The following KCNQ1 variants were observed in gnomAD, a reference collection of about 807,000 sequenced individuals.
KCNQ1 encodes potassium voltage-gated channel subfamily KQT member 1.
Under a neutral mutation model 72.4 loss-of-function variants are expected in KCNQ1, and 49 were observed. The ratio of observed to expected loss-of-function variants is 0.68; its 90% CI spans 0.54 to 0.86. KCNQ1 has a LOEUF of 0.86. KCNQ1 is among the 40% of genes least tolerant of loss of function. KCNQ1 has a pLI of 0.00. For missense variants in KCNQ1, 790 were observed against 945.1 expected (o/e 0.84, Z 2.15); for synonymous variants, 450 against 412.6 (o/e 1.09, Z -1.10).
Position 2,559,026 on chromosome 11 carries a change from AAG to A in KCNQ1, c.478-11599_478-11598del, listed in dbSNP as rs149557085. Among the ~76,000 whole-genome samples, 468 of 152,042 alleles carry A rather than the reference AAG, an allele frequency of 3.1e-3. 3 individuals carry two copies. Among genetic ancestry groups the A allele is most frequent in the African/African-American group, 0.01 (434 of 41,462 alleles). On this transcript the variant is annotated intron_variant, in intron 2 of 15. Coordinates refer to ENST00000155840, the MANE Select transcript of KCNQ1 (RefSeq NM_000218.3). The surrounding 1 kb of genome is among the most constrained non-coding windows in gnomAD (Gnocchi z 4.9). ...GTGAGGTACCTGAGTGACAAATGTC[AAG>A]AGTTTGCAGTTACTCCCAGAGCTAC...
In KCNQ1 at chr11:2,759,597, C is replaced by T. The variant is rs993540103; in HGVS notation, c.1515-9247C>T. Among the ~76,000 whole-genome samples the T allele has an allele frequency of 1.3e-5, 2 of 152,220 alleles. No homozygotes were observed. Among genetic ancestry groups the T allele is most frequent in the African/African-American group, 2.4e-5 (1 of 41,456 alleles). ...CCCCAGCATGTGGGAAGGAAGGGAG[C>T]GAGCTCTTATTTCCTTATTTTCTTT... is the stretch of plus-strand genomic sequence containing the variant. On this transcript the variant is annotated intron_variant, in intron 11 of 15. Transcript: ENST00000155840. This position sits in a 1 kb window ranked among gnomAD's most constrained non-coding sequence, Gnocchi z 4.4.
Position 2,617,101 on chromosome 11 carries a change from T to A in KCNQ1, c.1393+28247T>A, listed in dbSNP as rs1849079629. 2.5e-6 allele frequency: 1 copy of A among 398,274 alleles called. No individual in the cohort carries two copies. Among genetic ancestry groups the A allele is most frequent in the Admixed American group, 4.4e-5 (1 of 22,708 alleles). 24.7% of individuals were successfully genotyped at this position (398,274 alleles called of 1,614,324 possible). A position where few individuals can be genotyped will look rare whatever the true frequency, so the allele number is the denominator to read the frequency against. On this transcript the variant is annotated intron_variant, in intron 10 of 15. Transcript: ENST00000155840. This position sits in a 1 kb window ranked among gnomAD's most constrained non-coding sequence, Gnocchi z 4.6. ...TGTGTATGAGTGAGAAAAGCTATGATCTACTCAATTGGCAAAAATTCCAAA... is the reference window on the plus strand; with the variant it reads ...TGTGTATGAGTGAGAAAAGCTATGAACTACTCAATTGGCAAAAATTCCAAA...
chr11:2,691,861 C>T lies in KCNQ1; in HGVS notation c.1514+29780C>T, dbSNP rs1442373654. ...ACCATGACCCCTAGGTCCTCTTTTC[C>T]ATCCCTCCAGTTCTCCTGGCTTTCT... is the stretch of plus-strand genomic sequence containing the variant. On this transcript the variant is annotated intron_variant, in intron 11 of 15. Transcript: ENST00000155840. The surrounding 1 kb of genome is among the most constrained non-coding windows in gnomAD (Gnocchi z 6.4). The T allele has an allele frequency of 7.5e-6, 3 of 398,594 alleles. No homozygotes were observed. Among genetic ancestry groups the T allele is most frequent in the Non-Finnish European group, 1.3e-5 (3 of 226,140 alleles). The allele number at this position is 398,594 out of a possible 1,614,324, so 24.7% of individuals were successfully genotyped here.
Position 2,484,017 on chromosome 11 carries a change from ATGTT to A in KCNQ1, c.386+38538_386+38541del, listed in dbSNP as rs1400169715. 6.6e-6 allele frequency among the ~76,000 whole-genome samples: 1 copy of A among 151,680 alleles called. No homozygotes were observed. The highest frequency in any genetic ancestry group is 1.5e-5 in the Non-Finnish European group (1 of 67,934). ...TTTGTTTATTTCCCACTTTCTTTCT[ATGTT>A]TGTTAATTTGGATTCTTCTCCAGGA... On this transcript the variant is annotated intron_variant, in intron 1 of 15. Transcript: ENST00000155840. This position sits in a 1 kb window ranked among gnomAD's most constrained non-coding sequence, Gnocchi z 5.2.
In KCNQ1 at chr11:2,767,718, T is replaced by A. The variant is rs1846523710; in HGVS notation, c.1515-1126T>A. 6.6e-6 allele frequency among the ~76,000 whole-genome samples: 1 copy of A among 152,208 alleles called. No individual in the cohort carries two copies. Among genetic ancestry groups the A allele is most frequent in the African/African-American group, 2.4e-5 (1 of 41,462 alleles). On this transcript the variant is annotated intron_variant, in intron 11 of 15. Transcript: ENST00000155840. The surrounding 1 kb of genome is among the most constrained non-coding windows in gnomAD (Gnocchi z 4.6). ...TAAACCCCAAAGCTTCTCTCCACAG[T>A]GCCATGCGTCTACTGAGTACTCTGC...
At chr11:2,730,566 G>A (rs1378883896) in intron 11 of KCNQ1, among the ~76,000 whole-genome samples, 1 of 152,198 alleles carries the variant, frequency 6.6e-6, no homozygotes, top group African/African-American at 2.4e-5. Flanking sequence ...CAATAGCAGC[G>A]TGGTGGGGTC....
At position 2,548,705 on chromosome 11, in the gene KCNQ1, CAGAT is replaced by C. The variant is rs746448634; in HGVS notation, c.477+20690_477+20693del. Among the ~76,000 whole-genome samples, 39 of 152,230 alleles carry C rather than the reference CAGAT, an allele frequency of 2.6e-4. 1 individual carries two copies. The highest frequency in any genetic ancestry group is 7.3e-5 in the Non-Finnish European group (5 of 68,036). On this transcript the variant is annotated intron_variant, in intron 2 of 15. Transcript: ENST00000155840. ...AAGGTGACATCTTCTTCTTGCATCT[CAGAT>C]AGCACCAGGTTTGTGTGTTTATGCG... is the stretch of plus-strand genomic sequence containing the variant.
In KCNQ1 at chr11:2,733,854, T is replaced by TCC. The variant is rs1554914274; in HGVS notation, c.1515-34989_1515-34988insCC. Reference sequence around the variant, plus strand: ...CTCTCTCTCTCTCTCTCTCTCTCTCTCTCCCCCCCCACTTCAGGGCCTTCG... The same window carrying TCC: ...CTCTCTCTCTCTCTCTCTCTCTCTCTCCCTCCCCCCCCACTTCAGGGCCTTCG... On this transcript the variant is annotated intron_variant, in intron 11 of 15. Transcript: ENST00000155840. 4.9e-5 allele frequency among the ~76,000 whole-genome samples: 2 copies of TCC among 41,170 alleles called. 1 individual carries two copies. The highest frequency in any genetic ancestry group is 2.9e-4 in the African/African-American group (2 of 6,912). 27.0% of individuals were successfully genotyped at this position (41,170 alleles called of 152,430 possible). A position where few individuals can be genotyped will look rare whatever the true frequency, so the allele number is the denominator to read the frequency against.
chr11:2,472,041 GGTAT>G (rs776372957), intron 1 of KCNQ1, among the ~76,000 whole-genome samples: 3 of 145,548 alleles, frequency 2.1e-5, no homozygotes, highest in Admixed American at 1.4e-4. Flanking sequence ...TGTGTGTATA[GGTAT>G]GTATGTGTGC....
rs1021802206 is a variant in KCNQ1 at position 2,541,147 on chromosome 11, C to A, written c.477+13129C>A. Among the ~76,000 whole-genome samples, 2 of 152,230 alleles carry A rather than the reference C, an allele frequency of 1.3e-5. No homozygotes were observed. Among genetic ancestry groups the A allele is most frequent in the African/African-American group, 4.8e-5 (2 of 41,454 alleles). On this transcript the variant is annotated intron_variant, in intron 2 of 15. Coordinates refer to ENST00000155840, the MANE Select transcript of KCNQ1 (RefSeq NM_000218.3). This position sits in a 1 kb window ranked among gnomAD's most constrained non-coding sequence, Gnocchi z 4.8. ...GACCTCAGGCAGGCAGGGAGAGAGA[C>A]CCCCTTGGGGCCGCGTTCCATTTGC...
intron 2 of KCNQ1, among the ~76,000 whole-genome samples, chr11:2,568,433 G>A (rs1047376482): frequency 2.6e-5 from 4 of 152,232 alleles, no homozygotes; most frequent in Non-Finnish European, 4.4e-5. Context: ...GCCGGCCTCT[G>A]TGCCGTCATG....
rs540603285 is a variant in KCNQ1, at chr11:2,483,539, G to C, written c.386+38055G>C. ...GCTTTCAGCTGCCAGGTCTCCTTTC[G>C]TGTCCTGCAGCCTGTGCCAGCTCCT... On this transcript the variant is annotated intron_variant, in intron 1 of 15. Coordinates refer to ENST00000155840, the MANE Select transcript of KCNQ1 (RefSeq NM_000218.3). This position sits in a 1 kb window ranked among gnomAD's most constrained non-coding sequence, Gnocchi z 6.1. 2.0e-5 allele frequency among the ~76,000 whole-genome samples: 3 copies of C among 152,106 alleles called. No homozygotes were observed. Among genetic ancestry groups the C allele is most frequent in the Admixed American group, 1.3e-4 (2 of 15,274 alleles).
intron 11 of KCNQ1, chr11:2,685,700 C>T (rs1029119548): frequency 1.3e-5 from 5 of 398,512 alleles, no homozygotes; most frequent in African/African-American, 1.0e-4. Flanking sequence ...GGCCTTCGGT[C>T]TGGGACCCCA....
At chr11:2,633,702 C>CT (rs1849401708) in intron 10 of KCNQ1, 9 of 398,438 alleles carry the variant, frequency 2.3e-5, no homozygotes, top group East Asian at 1.4e-4. Context: ...TCTGGGTTCT[C>CT]TATTCTGTTC....
At chr11:2,789,900 A>G (rs1338253441) in intron 15 of KCNQ1, among the ~76,000 whole-genome samples, 1 of 152,002 alleles carries the variant, frequency 6.6e-6, no homozygotes, top group Non-Finnish European at 1.5e-5. Context: ...TGGGAGGACC[A>G]CCCCCAATCC....
Position 2,479,072 on chromosome 11 carries a change from T to C in KCNQ1, c.386+33588T>C, listed in dbSNP as rs962967663. On this transcript the variant is annotated intron_variant, in intron 1 of 15. Transcript: ENST00000155840. The surrounding 1 kb of genome is among the most constrained non-coding windows in gnomAD (Gnocchi z 4.6). ...ATCTAGGTCATGCTGATGCAAGAGGTGGGTTCCCATAGTCTTGAGCAGCTC... is the reference window on the plus strand; with the variant it reads ...ATCTAGGTCATGCTGATGCAAGAGGCGGGTTCCCATAGTCTTGAGCAGCTC... Among the ~76,000 whole-genome samples, 11 of 152,166 alleles carry C rather than the reference T, an allele frequency of 7.2e-5. No homozygotes were observed. The highest frequency in any genetic ancestry group is 1.5e-4 in the Non-Finnish European group (10 of 68,034).
In KCNQ1 at chr11:2,803,656, C is replaced by T. The variant is rs1453758878; in HGVS notation, c.1794+25619C>T. The stretch of plus-strand genomic sequence containing the variant: ...AGGTCCCGGCCTGCCCCAGCCTGCC[C>T]ACCCCCAGCCTGTCCCCCAAATGCC... On this transcript the variant is annotated intron_variant, in intron 15 of 15. Transcript: ENST00000155840. The surrounding 1 kb of genome is among the most constrained non-coding windows in gnomAD (Gnocchi z 6.4). Among the ~76,000 whole-genome samples, 1 of 151,880 alleles carries T rather than the reference C, an allele frequency of 6.6e-6. No homozygotes were observed.
At chr11:2,552,079 G>T (rs1344674353) in intron 2 of KCNQ1, among the ~76,000 whole-genome samples, 1 of 150,918 alleles carries the variant, frequency 6.6e-6, no homozygotes, top group Non-Finnish European at 1.5e-5. Flanking sequence ...AAGAGCAGCA[G>T]TTTTTAATTT....
In KCNQ1 at chr11:2,669,156, A is replaced by G; in HGVS notation, c.1514+7075A>G. 5.0e-6 allele frequency: 2 copies of G among 398,618 alleles called. No homozygotes were observed. The highest frequency in any genetic ancestry group is 8.8e-6 in the Non-Finnish European group (2 of 226,090). 24.7% of individuals were successfully genotyped at this position (398,618 alleles called of 1,614,324 possible). ...TATTGGGTGCCACTGGTCAGATTCA[A>G]GTTGTTCTTTGTGGCCAGGACCTTG... On this transcript the variant is annotated intron_variant, in intron 11 of 15. Transcript: ENST00000155840. The surrounding 1 kb of genome is among the most constrained non-coding windows in gnomAD (Gnocchi z 5.6).
Sources: gnomAD v4.1 joint callset for allele counts (sites outside exome capture counted in the v4.1 genomes callset) on GRCh38, gnomAD v4.1.1 for gene constraint, Gnocchi (gnomAD v3.1) non-coding constraint, MANE v1.5 for transcripts, NCBI Gene and HGNC (gene_info 2026-07-23, HGNC 2026-07-21) for gene names.